Variants in NPAS3 observed in about 807,000 individuals in gnomAD.
The protein encoded by NPAS3 is neuronal PAS domain-containing protein 3.
In NPAS3, 14 loss-of-function variants were observed where a neutral mutation model predicts 73.1. The ratio of observed to expected loss-of-function variants is 0.19; its 90% CI spans 0.13 to 0.30. NPAS3 has a LOEUF of 0.30. Among genes scored for constraint, NPAS3 ranks in the 10% least tolerant of loss-of-function variants. The probability of loss-of-function intolerance (pLI) is 1.00; values close to 1 mark genes in which losing one functional copy is unlikely to be tolerated. For missense variants in NPAS3, 1,096 were observed against 1,250.0 expected (o/e 0.88, Z 1.86); for synonymous variants, 620 against 541.5 (o/e 1.14, Z -2.01).
intron 7 of NPAS3, among the ~76,000 whole-genome samples, chr14:33,762,627 G>A (rs1384292549): frequency 6.6e-6 from 1 of 152,036 alleles, no homozygotes; most frequent in East Asian, 1.9e-4. Flanking sequence ...GAATAGCAGC[G>A]GGAATCAGTG....
intron 4 of NPAS3, among the ~76,000 whole-genome samples, chr14:33,507,885 G>C (rs1375600826): frequency 6.6e-6 from 1 of 151,954 alleles, no homozygotes; most frequent in East Asian, 1.9e-4. Flanking sequence ...TGTGCGATTA[G>C]TTTCCATCTT....
At chr14:33,541,198 A>G (rs2054502489) in intron 4 of NPAS3, among the ~76,000 whole-genome samples, 2 of 152,012 alleles carry the variant, frequency 1.3e-5, no homozygotes, top group South Asian at 2.1e-4. Flanking sequence ...AGCACTTGAT[A>G]TCAGAGTTCA....
chr14:32,985,712 C>A (rs965358764), intron 1 of NPAS3, among the ~76,000 whole-genome samples: 1 of 152,016 alleles, frequency 6.6e-6, no homozygotes, highest in African/African-American at 2.4e-5. Flanking sequence ...AGATTTCAGG[C>A]CTGTAGGAGT....
intron 6 of NPAS3, among the ~76,000 whole-genome samples, chr14:33,681,856 CAGAGTT>C (rs1175392747): frequency 6.7e-6 from 1 of 148,928 alleles, no homozygotes; most frequent in African/African-American, 2.6e-5. Flanking sequence ...TACTTAATGA[CAGAGTT>C]AGAGCTATTG....
intron 6 of NPAS3, among the ~76,000 whole-genome samples, chr14:33,721,276 G>A (rs2061102719): frequency 6.6e-6 from 1 of 152,052 alleles, no homozygotes; most frequent in South Asian, 2.1e-4. Flanking sequence ...GAGGTATTCT[G>A]TTAGAGAAAA....
chr14:33,145,753 T>A (rs1330863684), intron 2 of NPAS3, among the ~76,000 whole-genome samples: 1 of 152,210 alleles, frequency 6.6e-6, no homozygotes, highest in Non-Finnish European at 1.5e-5. Context: ...GCCTGGCTCT[T>A]TTCATTCACT....
chr14:33,031,905 A>G (rs1456280059), intron 1 of NPAS3, among the ~76,000 whole-genome samples: 7 of 152,370 alleles, frequency 4.6e-5, no homozygotes, highest in South Asian at 2.1e-4. Flanking sequence ...CACAGAGCGG[A>G]ATGTAATAGA....
chr14:33,645,356 T>C (rs1348131682), intron 5 of NPAS3, among the ~76,000 whole-genome samples: 1 of 152,162 alleles, frequency 6.6e-6, no homozygotes, highest in South Asian at 2.1e-4. Flanking sequence ...AGATTTTCCT[T>C]GAGTACATTA....
chr14:33,546,561 AG>A (rs1475384761), intron 4 of NPAS3, among the ~76,000 whole-genome samples: 1 of 152,194 alleles, frequency 6.6e-6, no homozygotes, highest in Admixed American at 6.5e-5. Context: ...CAGATCCTGT[AG>A]GTTTTACTCT....
At chr14:32,937,891 G>A (rs2139007844), upstream of NPAS3, among the ~76,000 whole-genome samples, 1 of 152,162 alleles carries the variant, frequency 6.6e-6, no homozygotes, top group Admixed American at 6.5e-5. Context: ...TGGTTTAGTG[G>A]AGAAAACGCT....
chr14:33,553,233 G>A (rs1272358386), intron 4 of NPAS3, among the ~76,000 whole-genome samples: 1 of 152,188 alleles, frequency 6.6e-6, no homozygotes, highest in Non-Finnish European at 1.5e-5. Flanking sequence ...TTGATACACA[G>A]CTCCCCCAAA....
chr14:33,163,422 C>T (rs531096814), intron 2 of NPAS3, among the ~76,000 whole-genome samples: 3 of 152,086 alleles, frequency 2.0e-5, no homozygotes, highest in African/African-American at 7.2e-5. Flanking sequence ...TGCACACAGT[C>T]GCAAATTGAG....
chr14:33,113,173 C>T (rs1438486556), intron 2 of NPAS3, among the ~76,000 whole-genome samples: 2 of 152,022 alleles, frequency 1.3e-5, no homozygotes, highest in African/African-American at 2.4e-5. Flanking sequence ...TCCATATGAA[C>T]TTTAAAGTAG....
intron 6 of NPAS3, among the ~76,000 whole-genome samples, chr14:33,720,241 T>C (rs1204017184): frequency 2.0e-5 from 3 of 152,178 alleles, no homozygotes; most frequent in Admixed American, 6.5e-5. Context: ...CAGGTAGTAT[T>C]TATTACCTGT....
chr14:33,791,740 G>A (rs1346760591), intron 9 of NPAS3, among the ~76,000 whole-genome samples: 1 of 152,120 alleles, frequency 6.6e-6, no homozygotes, highest in Non-Finnish European at 1.5e-5. Context: ...TTGTAAAGTG[G>A]AGATAATTCT....
intron 2 of NPAS3, among the ~76,000 whole-genome samples, chr14:33,208,105 GT>G (rs5807707): frequency 4.0e-5 from 6 of 150,436 alleles, no homozygotes; most frequent in East Asian, 3.9e-4. Context: ...TAAAACTGCA[GT>G]TTTTTTTTTC....
At chr14:33,320,635 G>T (rs987751055) in intron 3 of NPAS3, among the ~76,000 whole-genome samples, 1 of 152,128 alleles carries the variant, frequency 6.6e-6, no homozygotes, top group Non-Finnish European at 1.5e-5. Context: ...GCTGAGTGAG[G>T]ACAGGAACCA....
At chr14:33,202,439 A>G (rs2046653171) in intron 2 of NPAS3, among the ~76,000 whole-genome samples, 1 of 152,132 alleles carries the variant, frequency 6.6e-6, no homozygotes, top group South Asian at 2.1e-4. Context: ...GATATTTGTC[A>G]TCCTGTTACA....
At chr14:33,184,364 G>C (rs1449269628) in intron 2 of NPAS3, among the ~76,000 whole-genome samples, 4 of 152,160 alleles carry the variant, frequency 2.6e-5, no homozygotes, top group Non-Finnish European at 5.9e-5. Flanking sequence ...CCTTAGGTGT[G>C]CCTGGAGTAT....
Sources: allele counts gnomAD v4.1 joint callset (sites outside exome capture counted in the v4.1 genomes callset), GRCh38; gene constraint gnomAD v4.1.1; transcripts MANE v1.5; gene names NCBI Gene and HGNC (gene_info 2026-07-23, HGNC 2026-07-21).